EXOC5: variants seen among roughly 807,000 people sequenced by gnomAD.
EXOC5 encodes the protein SEC10-like 1.
Under a neutral mutation model 90.8 loss-of-function variants are expected in EXOC5, and 17 were observed. That is an observed-to-expected ratio of 0.19 (90% CI 0.13 to 0.28). The LOEUF is 0.28. Among genes scored for constraint, EXOC5 ranks in the 10% least tolerant of loss-of-function variants. EXOC5 has a pLI of 1.00. For synonymous variants in EXOC5, 260 were observed against 270.0 expected, an observed-to-expected ratio of 0.96 and a Z score of 0.36; for missense variants, 569 against 830.6, an observed-to-expected ratio of 0.69 and a Z score of 3.87.
chr14:57,231,430 T>C, intron 11 of EXOC5, 76 bp downstream of exon 11: 1 of 917,852 alleles, frequency 1.1e-6, no homozygotes, highest in Non-Finnish European at 1.7e-6. Flanking sequence ...ATAGTCAACA[T>C]TTGATAATTT....
chr14:57,259,447 C>A (rs183671718), intron 1 of EXOC5, among the ~76,000 whole-genome samples: 2 of 152,230 alleles, frequency 1.3e-5, no homozygotes, highest in African/African-American at 4.8e-5. Context: ...CTTGTACCAC[C>A]TACCCAAATT....
At position 57,203,621 on chromosome 14, in the gene EXOC5, T is replaced by C. The variant is rs1246138005; in HGVS notation, c.*4988A>G. The stretch of plus-strand genomic sequence containing the variant: ...CCTTAACCCTCCATATTTCCTCCTA[T>C]TAAGTCACTAGGCACTTATAATTCT... On this transcript the variant is annotated 3_prime_UTR_variant, in exon 18 of 18. Coordinates refer to ENST00000621441, the MANE Select transcript of EXOC5 (RefSeq NM_006544.4). 6.6e-6 allele frequency: 1 copy of C among 152,622 alleles called. No homozygotes were observed. The allele number at this position is 152,622 out of a possible 1,614,324, so 9.5% of individuals were successfully genotyped here.
chr14:57,212,039 T>G (rs1461667592), intron 15 of EXOC5, among the ~76,000 whole-genome samples: 1 of 152,128 alleles, frequency 6.6e-6, no homozygotes, highest in Non-Finnish European at 1.5e-5. Flanking sequence ...CTTAAATTTT[T>G]TGTGTGTAGA....
chr14:57,213,045 C>A (rs1170578418), intron 15 of EXOC5, among the ~76,000 whole-genome samples: 1 of 151,942 alleles, frequency 6.6e-6, no homozygotes, highest in East Asian at 1.9e-4. Flanking sequence ...TTCTGTAAGA[C>A]ATTTCACACT....
intron 14 of EXOC5, 76 bp from the exon 15 acceptor site, chr14:57,218,144 T>G (rs554824003): frequency 3.0e-6 from 2 of 674,350 alleles, no homozygotes; most frequent in African/African-American, 3.7e-5. Context: ...TACACCTATG[T>G]GTATTACATT....
At chr14:57,226,067 A>T (rs1233341612) in intron 12 of EXOC5, among the ~76,000 whole-genome samples, 3 of 152,164 alleles carry the variant, frequency 2.0e-5, no homozygotes, top group Non-Finnish European at 2.9e-5. Context: ...TCAGATACGC[A>T]TTTCTCTCAG....
chr14:57,256,238 G>T (rs898310317), intron 1 of EXOC5, among the ~76,000 whole-genome samples: 28 of 152,174 alleles, frequency 1.8e-4, no homozygotes, highest in African/African-American at 6.5e-4. Flanking sequence ...GCAGAGAGCA[G>T]TATGTTTGGC....
rs974339936 is a variant in EXOC5 at position 57,202,189 on chromosome 14, A to G, written c.*6420T>C. ...GGGTGTTTTACAAAGTAACTACCCT[A>G]TAATCTATAAAAATGTCCAGAGTCA... On this transcript the variant is annotated 3_prime_UTR_variant, in exon 18 of 18. Transcript: ENST00000621441. The G allele has an allele frequency of 6.6e-6, 1 of 152,172 alleles. No homozygotes were observed. Among genetic ancestry groups the G allele is most frequent in the African/African-American group, 2.4e-5 (1 of 41,444 alleles). 9.4% of individuals were successfully genotyped at this position (152,172 alleles called of 1,614,324 possible). A position where few individuals can be genotyped will look rare whatever the true frequency, so the allele number is the denominator to read the frequency against.
chr14:57,238,349 CATATATATATATATAT>C (rs146486005), intron 5 of EXOC5, among the ~76,000 whole-genome samples: 1 of 89,208 alleles, frequency 1.1e-5, no homozygotes, highest in African/African-American at 3.6e-5. Context: ...CCTAATTAGA[CATATATATATATATAT>C]ATATATATAT....
intron 15 of EXOC5, among the ~76,000 whole-genome samples, chr14:57,210,519 T>A (rs764096636): frequency 1.3e-5 from 2 of 152,212 alleles, no homozygotes; most frequent in Non-Finnish European, 2.9e-5. Context: ...AATTCATCTA[T>A]GTTTCATATA....
chr14:57,214,178 C>A lies in EXOC5; in HGVS notation c.1613+3804G>T, dbSNP rs1882907548. On this transcript the variant is annotated intron_variant, in intron 15 of 17. Transcript: ENST00000621441. ...ACCATTGGCATGTCCAGCCTACACACATGCCATTTTATTATTCTTTGTAGG... is the reference window on the plus strand; with the variant it reads ...ACCATTGGCATGTCCAGCCTACACAAATGCCATTTTATTATTCTTTGTAGG... Among the ~76,000 whole-genome samples, 8 of 152,102 alleles carry A rather than the reference C, an allele frequency of 5.3e-5. No homozygotes were observed. The South Asian group carries it at 1.7e-3, about 32-fold the overall frequency.
chr14:57,268,712 G>A lies in EXOC5; in HGVS notation c.-64C>T, dbSNP rs1594693184. ...TCTCCGCTTCACATGCTGCGCCTCAGAGGCGCGGCGCACAGGTCTCCGCTC... is the reference window on the plus strand; with the variant it reads ...TCTCCGCTTCACATGCTGCGCCTCAAAGGCGCGGCGCACAGGTCTCCGCTC... On this transcript the variant is annotated 5_prime_UTR_variant, in exon 1 of 18. Coordinates refer to ENST00000621441, the MANE Select transcript of EXOC5 (RefSeq NM_006544.4). 3 of 1,543,052 alleles carry A rather than the reference G, an allele frequency of 1.9e-6. No individual in the cohort carries two copies. Among genetic ancestry groups the A allele is most frequent in the Non-Finnish European group, 2.6e-6 (3 of 1,152,486 alleles).
At chr14:57,228,852 TAAA>T (rs574621292) in intron 12 of EXOC5, among the ~76,000 whole-genome samples, 4 of 70,434 alleles carry the variant, frequency 5.7e-5, no homozygotes, top group Non-Finnish European at 6.1e-5. Context: ...ACTTAAAGTA[TAAA>T]AAAAAAAAAA....
intron 15 of EXOC5, among the ~76,000 whole-genome samples, chr14:57,213,903 T>C (rs528657464): frequency 6.6e-6 from 1 of 151,834 alleles, no homozygotes; most frequent in South Asian, 2.1e-4. Context: ...CCAGGAGGCA[T>C]GGGTTGAAGA....
At chr14:57,249,942 T>C (rs1475597289) in intron 1 of EXOC5, among the ~76,000 whole-genome samples, 1 of 152,026 alleles carries the variant, frequency 6.6e-6, no homozygotes, top group Non-Finnish European at 1.5e-5. Context: ...TTGGCTAATT[T>C]TGTAGTTTTA....
chr14:57,256,473 A>G (rs1219672296), intron 1 of EXOC5, among the ~76,000 whole-genome samples: 1 of 152,166 alleles, frequency 6.6e-6, no homozygotes, highest in Non-Finnish European at 1.5e-5. Flanking sequence ...AGTGGGGGCC[A>G]CAGTTCATCT....
chr14:57,228,633 T>C (rs1883383481), intron 12 of EXOC5, among the ~76,000 whole-genome samples: 1 of 146,266 alleles, frequency 6.8e-6, no homozygotes, highest in Non-Finnish European at 1.5e-5. Context: ...ATGTTCTCAC[T>C]CATTAAGTGG....
chr14:57,237,582 C>A, intron 5 of EXOC5: 1 of 436,690 alleles, frequency 2.3e-6, no homozygotes. Context: ...TGATAGGAAG[C>A]ATGCCAGGTG....
chr14:57,222,630 T>C (rs1324169614), intron 12 of EXOC5, among the ~76,000 whole-genome samples: 3 of 151,934 alleles, frequency 2.0e-5, no homozygotes, highest in African/African-American at 4.8e-5. Flanking sequence ...CTTAGAGTAA[T>C]GTTTTTCAAA....
Sources: gnomAD v4.1 joint callset for allele counts (sites outside exome capture counted in the v4.1 genomes callset) on GRCh38, gnomAD v4.1.1 for gene constraint, MANE v1.5 for transcripts, NCBI Gene and HGNC (gene_info 2026-07-23, HGNC 2026-07-21) for gene names.